The following DNAH7 variants were observed in gnomAD, a reference collection of about 807,000 sequenced individuals.
DNAH7 encodes the protein dynein axonemal heavy chain 7.
A neutral mutation model predicts 444.6 loss-of-function variants in DNAH7; 397 were observed. The observed-to-expected ratio is 0.89, with a 90% CI of 0.82 to 0.97. The LOEUF (loss-of-function observed/expected upper bound fraction) is 0.97, where lower values mean the gene tolerates loss of function less well. Ranked by LOEUF, DNAH7 falls within the 50% of genes least tolerant of loss-of-function variation. The pLI is 0.00. For missense variants in DNAH7, 4,902 were observed against 4,800.8 expected (o/e 1.02, Z -0.62); for synonymous variants, 1,636 against 1,624.4 (o/e 1.01, Z -0.17).
intron 13 of DNAH7, 52 bp from the exon 14 acceptor site, chr2:195,987,245 T>A: frequency 7.3e-7 from 1 of 1,370,508 alleles, no homozygotes; most frequent in Non-Finnish European, 9.7e-7. Flanking sequence ...AACAAATAAA[T>A]TTTCACAATT....
chr2:195,992,758 A>G (rs1345568579), intron 12 of DNAH7, among the ~76,000 whole-genome samples: 2 of 152,180 alleles, frequency 1.3e-5, no homozygotes, highest in Non-Finnish European at 2.9e-5. Flanking sequence ...TGGGAAAGCT[A>G]TTCTTCAACG....
chr2:195,830,758 G>C (rs1698028950), intron 48 of DNAH7, among the ~76,000 whole-genome samples: 3 of 152,204 alleles, frequency 2.0e-5, no homozygotes, highest in South Asian at 2.1e-4. Context: ...TGTTGTTTCA[G>C]TGCTGGCTGC....
intron 21 of DNAH7, among the ~76,000 whole-genome samples, chr2:195,929,451 T>C (rs1688547661): frequency 6.6e-6 from 1 of 152,156 alleles, no homozygotes; most frequent in South Asian, 2.1e-4. Flanking sequence ...CCAGAAGCAT[T>C]ACATTAGCCA....
Position 195,936,726 on chromosome 2 carries a change from G to T in DNAH7, c.3145C>A (p.Leu1049Ile). ...AGTCCTTTAAGAATGAGCTCCAAAA[G>T]TTCATTAGATTTTTTCAGCCTTTCC... ...MLERLKKSNE[L>I]LELILKGLNE... The change falls in exon 20 of 65, where the codon CTT becomes ATT. Residue 1049 changes from leucine to isoleucine, a missense_variant. Coordinates refer to ENST00000312428, the MANE Select transcript of DNAH7 (RefSeq NM_018897.3). The T allele has an allele frequency of 6.2e-7, 1 of 1,600,548 alleles. No individual in the cohort carries two copies. Among genetic ancestry groups the T allele is most frequent in the South Asian group, 1.1e-5 (1 of 87,016 alleles).
rs775929939 is a variant in DNAH7 at position 195,844,965 on chromosome 2, TAATA to T, written c.8945+33_8945+36del. On this transcript the variant is annotated intron_variant, in intron 47 of 64. Coordinates refer to ENST00000312428, the MANE Select transcript of DNAH7 (RefSeq NM_018897.3). ...GAACACAGATAAATCTACTGTTATT[TAATA>T]AAGACCATTTGTGAGAAAAATATTT... 3.8e-6 allele frequency: 6 copies of T among 1,579,264 alleles called. No individual in the cohort carries two copies. In the East Asian group the frequency reaches 1.1e-4, roughly 30 times the overall value.
chr2:195,954,773 G>T (rs1207345568), intron 19 of DNAH7, among the ~76,000 whole-genome samples: 1 of 152,132 alleles, frequency 6.6e-6, no homozygotes, highest in Non-Finnish European at 1.5e-5. Context: ...TTTCTCTGAT[G>T]GCCAGTGATG....
chr2:195,946,470 C>T (rs1293394471), intron 19 of DNAH7, among the ~76,000 whole-genome samples: 1 of 152,108 alleles, frequency 6.6e-6, no homozygotes, highest in Non-Finnish European at 1.5e-5. Flanking sequence ...TGGATCTTCA[C>T]CTGTCTACCC....
chr2:195,814,044 G>C (rs1030884009), intron 51 of DNAH7, among the ~76,000 whole-genome samples: 10 of 152,144 alleles, frequency 6.6e-5, no homozygotes, highest in African/African-American at 2.2e-4. Flanking sequence ...GGTCACCTTG[G>C]GGGAGAGGGT....
intron 46 of DNAH7, among the ~76,000 whole-genome samples, chr2:195,850,795 G>A (rs1326886078): frequency 6.6e-6 from 1 of 152,096 alleles, no homozygotes; most frequent in African/African-American, 2.4e-5. Flanking sequence ...AGGATGCAGG[G>A]GGAAGCAGGA....
intron 32 of DNAH7, 136 bp from the exon 33 acceptor site, chr2:195,888,570 C>T (rs1002336091): frequency 1.4e-5 from 15 of 1,038,734 alleles, no homozygotes; most frequent in Admixed American, 3.4e-5. Flanking sequence ...TTCATGATGT[C>T]GATTTTTGTG....
intron 15 of DNAH7, among the ~76,000 whole-genome samples, chr2:195,980,111 G>T (rs189349347): frequency 6.7e-6 from 1 of 149,102 alleles, no homozygotes; most frequent in East Asian, 2.0e-4. Context: ...ATATGGTTTG[G>T]CTGTGTCCCC....
Position 195,858,498 on chromosome 2 carries a change from G to A in DNAH7, c.8043C>T (p.Ala2681=), listed in dbSNP as rs745938571. 79 of 1,609,510 alleles carry A rather than the reference G, an allele frequency of 4.9e-5. 1 individual carries two copies. Among genetic ancestry groups the A allele is most frequent in the Middle Eastern group, 1.7e-4 (1 of 6,046 alleles). Reference sequence around the variant, plus strand: ...CCTGTGCAGTAAGAGTATCAAGGGCGGCCAGTGCTGACTCTAATATTGGCA... The same window carrying A: ...CCTGTGCAGTAAGAGTATCAAGGGCAGCCAGTGCTGACTCTAATATTGGCA... ...GALPILESAL[A]ALDTLTAQDI... Residue 2681 remains alanine (A), a synonymous_variant, in exon 43 of 65, where the codon GCC becomes GCT. Transcript: ENST00000312428.
Position 195,864,345 on chromosome 2 carries a change from A to G in DNAH7, c.7310T>C (p.Met2437Thr), listed in dbSNP as rs200397162. The change falls in exon 41 of 65, where the codon ATG (methionine) becomes ACG (threonine). Residue 2437 changes from methionine (M) to threonine (T), a missense_variant. Coordinates refer to ENST00000312428, the MANE Select transcript of DNAH7 (RefSeq NM_018897.3). Reference protein sequence around the residue: ...LDEKQEICDKMRQLDRQRDKT... With the variant: ...LDEKQEICDKTRQLDRQRDKT... Reference sequence around the variant, plus strand: ...ATCCCGCTGGCGATCTAACTGACGCATCTTATCACATATCTCTTGCTTCTC... The same window carrying G: ...ATCCCGCTGGCGATCTAACTGACGCGTCTTATCACATATCTCTTGCTTCTC... The G allele has an allele frequency of 1.2e-6, 2 of 1,614,170 alleles. No individual in the cohort carries two copies. The highest frequency in any genetic ancestry group is 2.2e-5 in the East Asian group (1 of 44,872).
rs1699855861 is a variant in DNAH7, at chr2:195,858,673, A to G, written c.7868T>C (p.Val2623Ala). The change falls in exon 43 of 65, where the codon GTT becomes GCT. Residue 2623 changes from valine (V) to alanine (A), a missense_variant. Transcript: ENST00000312428. ...CTCAATCATTATCATCATTTCATCA[A>G]CCTCTTTGCTAGCAACTTTTAATTG... Reference protein sequence around the residue: ...HPQLKVASKEVDEMMIMIEKE... With the variant: ...HPQLKVASKEADEMMIMIEKE... 1 of 1,613,952 alleles carries G rather than the reference A, an allele frequency of 6.2e-7. No homozygotes were observed. The highest frequency in any genetic ancestry group is 8.5e-7 in the Non-Finnish European group (1 of 1,179,928).
chr2:195,889,962 G>C (rs1433624643), intron 31 of DNAH7, among the ~76,000 whole-genome samples: 1 of 152,218 alleles, frequency 6.6e-6, no homozygotes, highest in Non-Finnish European at 1.5e-5. Flanking sequence ...CAACAGATAT[G>C]AAACAGTAGC....
At chr2:195,942,687 T>C (rs569914793) in intron 19 of DNAH7, among the ~76,000 whole-genome samples, 1 of 152,236 alleles carries the variant, frequency 6.6e-6, no homozygotes, top group South Asian at 2.1e-4. Flanking sequence ...CTAGATTTCA[T>C]CTAGAAAAGC....
chr2:195,754,757 C>T (rs1291577002), intron 62 of DNAH7, among the ~76,000 whole-genome samples: 1 of 152,118 alleles, frequency 6.6e-6, no homozygotes, highest in African/African-American at 2.4e-5. Context: ...AAGCAGTATG[C>T]CTTCCTCAGC....
At chr2:195,933,344 T>C (rs916039094) in intron 21 of DNAH7, among the ~76,000 whole-genome samples, 1 of 152,176 alleles carries the variant, frequency 6.6e-6, no homozygotes, top group Non-Finnish European at 1.5e-5. Flanking sequence ...AGTGTGGCGA[T>C]TCCTCAGGGA....
chr2:195,751,035 A>T (rs1437844073), intron 63 of DNAH7, among the ~76,000 whole-genome samples: 1 of 152,198 alleles, frequency 6.6e-6, no homozygotes, highest in Non-Finnish European at 1.5e-5. Context: ...GTTAAAGCTT[A>T]TATTATTAAG....
Sources: gnomAD v4.1 joint callset for allele counts (sites outside exome capture counted in the v4.1 genomes callset) on GRCh38, gnomAD v4.1.1 for gene constraint, MANE v1.5 for transcripts, NCBI Gene and HGNC (gene_info 2026-07-23, HGNC 2026-07-21) for gene names.